Variants in MECOM observed in about 807,000 individuals in gnomAD.
MECOM encodes MDS1 and EVI1 complex locus, also known as histone-lysine N-methyltransferase MECOM.
In MECOM, 13 loss-of-function variants were observed where a neutral mutation model predicts 116.3. The observed-to-expected ratio is 0.11, with a 90% CI of 0.07 to 0.18. The LOEUF (loss-of-function observed/expected upper bound fraction) is 0.18. Among genes scored for constraint, MECOM ranks in the 10% least tolerant of loss-of-function variants. The pLI, the probability that MECOM is intolerant of heterozygous loss-of-function variation, is 1.00. For synonymous variants in MECOM, 528 were observed against 535.2 expected (o/e 0.99, Z 0.19); for missense variants, 1,299 against 1,509.0 (o/e 0.86, Z 2.31).
intron 2 of MECOM, among the ~76,000 whole-genome samples, chr3:169,354,555 T>C (rs1335862378): frequency 6.6e-6 from 1 of 151,948 alleles, no homozygotes; most frequent in Non-Finnish European, 1.5e-5. Flanking sequence ...ACCCATAGGT[T>C]AAATCCTAGC....
intron 2 of MECOM, among the ~76,000 whole-genome samples, chr3:169,222,057 T>C (rs1197198394): frequency 6.6e-6 from 1 of 152,206 alleles, no homozygotes; most frequent in African/African-American, 2.4e-5. Context: ...TCACTAGCTA[T>C]GTTTCAAGTG....
intron 1 of MECOM, among the ~76,000 whole-genome samples, chr3:169,633,220 A>G (rs1310455368): frequency 6.6e-6 from 1 of 152,176 alleles, no homozygotes; most frequent in Non-Finnish European, 1.5e-5. Context: ...ATGCCTATCC[A>G]GGCAAGCAGA....
intron 1 of MECOM, among the ~76,000 whole-genome samples, chr3:169,567,180 C>G (rs1034672084): frequency 4.6e-5 from 7 of 152,236 alleles, no homozygotes; most frequent in African/African-American, 1.7e-4. Flanking sequence ...AGAGATGTGG[C>G]CCACAAACAC....
chr3:169,171,203 A>G (rs1159878828), intron 2 of MECOM, among the ~76,000 whole-genome samples: 7 of 152,182 alleles, frequency 4.6e-5, no homozygotes, highest in Admixed American at 4.6e-4. Flanking sequence ...GAAGAAAAAT[A>G]TGTTGTAAGA....
intron 2 of MECOM, among the ~76,000 whole-genome samples, chr3:169,190,638 C>T (rs1025310390): frequency 6.6e-6 from 1 of 151,964 alleles, no homozygotes; most frequent in East Asian, 1.9e-4. Flanking sequence ...CAAAGTCACA[C>T]ATTTATACAT....
chr3:169,609,044 C>T (rs1479615940), intron 1 of MECOM, among the ~76,000 whole-genome samples: 1 of 152,182 alleles, frequency 6.6e-6, no homozygotes, highest in Admixed American at 6.5e-5. Context: ...AGATAAAAAT[C>T]TATTAACTTT....
At chr3:169,215,138 T>A (rs369565520) in intron 2 of MECOM, among the ~76,000 whole-genome samples, 5 of 151,108 alleles carry the variant, frequency 3.3e-5, no homozygotes, top group Non-Finnish European at 7.4e-5. Flanking sequence ...ATTCCTCAGA[T>A]TAAACTCCTC....
chr3:169,518,296 T>G (rs1031752571), intron 1 of MECOM, among the ~76,000 whole-genome samples: 4 of 150,920 alleles, frequency 2.7e-5, no homozygotes, highest in African/African-American at 9.7e-5. Flanking sequence ...AGTTGACAGG[T>G]ATAGTACTGG....
intron 2 of MECOM, among the ~76,000 whole-genome samples, chr3:169,347,475 A>G (rs1314245231): frequency 6.6e-6 from 1 of 152,030 alleles, no homozygotes; most frequent in Non-Finnish European, 1.5e-5. Flanking sequence ...TTGAAACTAT[A>G]GAGAGACACG....
intron 2 of MECOM, among the ~76,000 whole-genome samples, chr3:169,207,155 A>G (rs759024419): frequency 5.9e-5 from 9 of 152,188 alleles, no homozygotes; most frequent in Non-Finnish European, 1.0e-4. Flanking sequence ...GTGTTCCTAA[A>G]ATAGCTGAGA....
chr3:169,260,089 G>A (rs1757363065), intron 2 of MECOM, among the ~76,000 whole-genome samples: 1 of 152,180 alleles, frequency 6.6e-6, no homozygotes, highest in Non-Finnish European at 1.5e-5. Flanking sequence ...TGGGGGAAAT[G>A]TTCATTAATC....
intron 2 of MECOM, among the ~76,000 whole-genome samples, chr3:169,194,984 T>C (rs906085822): frequency 1.3e-5 from 2 of 152,044 alleles, no homozygotes; most frequent in Admixed American, 6.6e-5. Flanking sequence ...TGGATCTGTG[T>C]CCCATCTCAG....
chr3:169,100,972 A>G lies in MECOM; in HGVS notation c.2772-10T>C. On this transcript the variant is annotated splice_polypyrimidine_tract_variant and intron_variant, in intron 11 of 16. Transcript: ENST00000651503. ...AATCTTGCCACAGTATCTGTTATGA[A>G]AAGATGTTTATAAGAGAAAGTCAGC... The G allele has an allele frequency of 6.2e-7, 1 of 1,603,268 alleles. No homozygotes were observed.
At chr3:169,546,735 A>G (rs1760770922) in intron 1 of MECOM, among the ~76,000 whole-genome samples, 1 of 151,080 alleles carries the variant, frequency 6.6e-6, no homozygotes, top group South Asian at 2.1e-4. Flanking sequence ...AAGAGAAAGG[A>G]AGGAAAAAAA....
intron 1 of MECOM, among the ~76,000 whole-genome samples, chr3:169,638,243 A>T (rs1773051039): frequency 6.6e-6 from 1 of 151,570 alleles, no homozygotes; most frequent in Non-Finnish European, 1.5e-5. Context: ...TCATAAAACC[A>T]CCTCCCTCCT....
intron 1 of MECOM, among the ~76,000 whole-genome samples, chr3:169,581,101 T>A (rs1765071306): frequency 6.6e-6 from 1 of 152,106 alleles, no homozygotes; most frequent in African/African-American, 2.4e-5. Flanking sequence ...CCTTATAGCA[T>A]CATAACACAG....
intron 16 of MECOM, chr3:169,086,660 C>A: frequency 1.5e-6 from 1 of 676,990 alleles, no homozygotes; most frequent in Non-Finnish European, 2.7e-6. Context: ...GCTCAGTGTG[C>A]CTGACTGAGG....
chr3:169,518,766 A>G (rs751303978), intron 1 of MECOM, among the ~76,000 whole-genome samples: 2 of 152,178 alleles, frequency 1.3e-5, no homozygotes, highest in Non-Finnish European at 2.9e-5. Flanking sequence ...AGGTGATTGA[A>G]TTATGGAGAC....
intron 2 of MECOM, among the ~76,000 whole-genome samples, chr3:169,308,799 T>C (rs1379368253): frequency 6.6e-6 from 1 of 152,208 alleles, no homozygotes; most frequent in African/African-American, 2.4e-5. Flanking sequence ...TTGCCCTGAG[T>C]GAGCTTGTTA....
Sources: allele counts gnomAD v4.1 joint callset (sites outside exome capture counted in the v4.1 genomes callset), GRCh38; gene constraint gnomAD v4.1.1; transcripts MANE v1.5; gene names NCBI Gene and HGNC (gene_info 2026-07-23, HGNC 2026-07-21).